The following NARS2 variants were observed in gnomAD, a reference collection of about 807,000 sequenced individuals.
NARS2 encodes the protein asparaginyl-tRNA synthetase 2, mitochondrial.
Under a neutral mutation model 62.9 loss-of-function variants are expected in NARS2, and 60 were observed. The ratio of observed to expected loss-of-function variants is 0.95; its 90% CI spans 0.77 to 1.18. The LOEUF is 1.18. Among genes scored for constraint, NARS2 ranks in the 50% most tolerant of loss-of-function variants. NARS2 has a pLI of 0.00. For synonymous variants in NARS2, 196 were observed against 200.0 expected, an observed-to-expected ratio of 0.98 and a Z score of 0.17; for missense variants, 619 against 576.4, an observed-to-expected ratio of 1.07 and a Z score of -0.76.
Position 78,571,347 on chromosome 11 carries a change from C to T in NARS2, c.239G>A (p.Gly80Asp). The T allele has an allele frequency of 6.2e-7, 1 of 1,611,496 alleles. No individual in the cohort carries two copies. The highest frequency in any genetic ancestry group is 1.3e-5 in the African/African-American group (1 of 74,822). Residue 80 changes from glycine to aspartate, a missense_variant, in exon 2 of 14, where the codon GGC (glycine) becomes GAC (aspartate). Gly to Asp is a moderately conservative substitution (Grantham distance 94). Transcript: ENST00000281038. ...AAACAAAACTCACCTACTGTCAAGG[C>T]CTGAATCTGCAACAACCTGAAGGCT... ...LESLQVVADS[G>D]LDSRELNFGS...
chr11:78,484,431 C>T (rs934443588), intron 7 of NARS2, among the ~76,000 whole-genome samples: 3 of 152,132 alleles, frequency 2.0e-5, no homozygotes, highest in Non-Finnish European at 4.4e-5. Flanking sequence ...GCAAAAGAAA[C>T]TACCACCAGA....
At chr11:78,538,583 T>C (rs1052862666) in intron 5 of NARS2, among the ~76,000 whole-genome samples, 2 of 151,750 alleles carry the variant, frequency 1.3e-5, no homozygotes, top group Admixed American at 1.3e-4. Flanking sequence ...CTGGGAAAAA[T>C]ACTCCAGGCA....
intron 5 of NARS2, among the ~76,000 whole-genome samples, chr11:78,555,949 T>A (rs1590859817): frequency 6.6e-6 from 1 of 152,096 alleles, no homozygotes; most frequent in African/African-American, 2.4e-5. Context: ...CCAAAGGTTA[T>A]TCAGGAGCAT....
At chr11:78,468,352 C>T (rs1344201463) in intron 10 of NARS2, among the ~76,000 whole-genome samples, 2 of 126,696 alleles carry the variant, frequency 1.6e-5, no homozygotes, top group East Asian at 2.3e-4. Context: ...AAGAAAAACA[C>T]ACCTGTTTAG....
chr11:78,506,797 C>A (rs997256096), intron 6 of NARS2, among the ~76,000 whole-genome samples: 2 of 152,190 alleles, frequency 1.3e-5, no homozygotes, highest in African/African-American at 2.4e-5. Flanking sequence ...CCTCAGCCTC[C>A]GACAGTGTTG....
chr11:78,459,312 C>T (rs1482023934), intron 11 of NARS2, among the ~76,000 whole-genome samples: 1 of 150,498 alleles, frequency 6.6e-6, no homozygotes, highest in Non-Finnish European at 1.5e-5. Flanking sequence ...CTCTTGTTGC[C>T]CAGGCTGGAG....
chr11:78,507,013 C>T (rs1367133508), intron 6 of NARS2, among the ~76,000 whole-genome samples: 1 of 152,118 alleles, frequency 6.6e-6, no homozygotes, highest in East Asian at 1.9e-4. Context: ...TCCTGGAACC[C>T]CGTGCACACA....
chr11:78,505,322 A>G (rs978294064), intron 6 of NARS2, among the ~76,000 whole-genome samples: 2 of 129,138 alleles, frequency 1.5e-5, no homozygotes, highest in African/African-American at 6.5e-5. Flanking sequence ...ACACACACAC[A>G]CATACGTATG....
intron 6 of NARS2, among the ~76,000 whole-genome samples, chr11:78,528,528 C>T (rs1013215808): frequency 1.3e-5 from 2 of 152,046 alleles, no homozygotes; most frequent in African/African-American, 2.4e-5. Flanking sequence ...GACTAATACC[C>T]GGTTCAGGTA....
At chr11:78,500,311 G>C (rs1408240588) in intron 6 of NARS2, among the ~76,000 whole-genome samples, 4 of 151,838 alleles carry the variant, frequency 2.6e-5, no homozygotes, top group Non-Finnish European at 5.9e-5. Flanking sequence ...CAAAGATGAG[G>C]GTGAGTATAT....
intron 11 of NARS2, among the ~76,000 whole-genome samples, chr11:78,445,657 T>C (rs1235104010): frequency 1.3e-5 from 2 of 152,152 alleles, no homozygotes; most frequent in Non-Finnish European, 2.9e-5. Flanking sequence ...TTTTTTTAAA[T>C]GTTTATTTGT....
At position 78,502,991 on chromosome 11, in the gene NARS2, C is replaced by CAAAAAAAAAAAAA. The variant is rs550751384; in HGVS notation, c.690-9809_690-9797dup. On this transcript the variant is annotated intron_variant, in intron 6 of 13. Transcript: ENST00000281038. ...CCTGGGTAACAGAGTGAGACTGTCT[C>CAAAAAAAAAAAAA]AAAAAAAAAAAAAAAAAAAGGTTGA... Among the ~76,000 whole-genome samples, 60 of 82,936 alleles carry CAAAAAAAAAAAAA rather than the reference C, an allele frequency of 7.2e-4. 2 individuals are homozygous for CAAAAAAAAAAAAA. The highest frequency in any genetic ancestry group is 3.4e-3 in the African/African-American group (54 of 15,796). The allele number at this position is 82,936 out of a possible 152,430, so 54.4% of individuals were successfully genotyped here. A position where few individuals can be genotyped will look rare whatever the true frequency, so the allele number is the denominator to read the frequency against.
At chr11:78,563,091 C>T (rs1450315013) in intron 4 of NARS2, among the ~76,000 whole-genome samples, 1 of 151,940 alleles carries the variant, frequency 6.6e-6, no homozygotes, top group African/African-American at 2.4e-5. Context: ...AGGTAGGTAA[C>T]AGAATTATAT....
At chr11:78,570,574 G>C (rs552186994) in intron 2 of NARS2, among the ~76,000 whole-genome samples, 1 of 152,282 alleles carries the variant, frequency 6.6e-6, no homozygotes, top group East Asian at 1.9e-4. Context: ...TTTTGGTAGA[G>C]ACGGGGTTTT....
At chr11:78,571,914 G>C (rs1214563813) in intron 1 of NARS2, among the ~76,000 whole-genome samples, 1 of 152,156 alleles carries the variant, frequency 6.6e-6, no homozygotes, top group African/African-American at 2.4e-5. Context: ...TAATTTCCAG[G>C]TTGGGCACAG....
At position 78,557,815 on chromosome 11, in the gene NARS2, A is replaced by T. The variant is rs572741846; in HGVS notation, c.594+1724T>A. Among the ~76,000 whole-genome samples the T allele has an allele frequency of 9.0e-4, 133 of 147,592 alleles. 1 individual carries two copies. The highest frequency in any genetic ancestry group is 3.2e-3 in the African/African-American group (130 of 40,308). On this transcript the variant is annotated intron_variant, in intron 5 of 13. Transcript: ENST00000281038. ...TATGTATATATATCATATATATCTT[A>T]TATTATATATATATATCTCTCTTAT...
chr11:78,475,701 A>T (rs954591463), intron 9 of NARS2, among the ~76,000 whole-genome samples: 1 of 149,054 alleles, frequency 6.7e-6, no homozygotes, highest in Admixed American at 6.8e-5. Flanking sequence ...GGCTTAGGCA[A>T]TCCTCCCACC....
Position 78,474,990 on chromosome 11 carries a change from C to T in NARS2, c.959+3448G>A, listed in dbSNP as rs370857904. Among the ~76,000 whole-genome samples the T allele has an allele frequency of 5.3e-5, 8 of 152,114 alleles. No homozygotes were observed. The South Asian group carries it at 1.2e-3, about 24-fold the overall frequency. On this transcript the variant is annotated intron_variant, in intron 9 of 13. Coordinates refer to ENST00000281038, the MANE Select transcript of NARS2 (RefSeq NM_024678.6). Reference sequence around the variant, plus strand: ...TATACATTACAATTAATTATGGTCACTTTGTTATGCAATAAATCCTGAACA... The same window carrying T: ...TATACATTACAATTAATTATGGTCATTTTGTTATGCAATAAATCCTGAACA...
Position 78,567,743 on chromosome 11 carries a change from T to C in NARS2, c.372+889A>G, listed in dbSNP as rs116441163. 4.6e-3 allele frequency among the ~76,000 whole-genome samples: 706 copies of C among 152,354 alleles called. 2 individuals are homozygous for C. The highest frequency in any genetic ancestry group is 0.016 in the African/African-American group (684 of 41,582). ...TTTTATTTCCTTACATTTCTTCCTATTATACTGAAAGAATACACAATGAAT... is the reference window on the plus strand; with the variant it reads ...TTTTATTTCCTTACATTTCTTCCTACTATACTGAAAGAATACACAATGAAT... On this transcript the variant is annotated intron_variant, in intron 3 of 13. Coordinates refer to ENST00000281038, the MANE Select transcript of NARS2 (RefSeq NM_024678.6).
Sources: gnomAD v4.1 joint callset for allele counts (sites outside exome capture counted in the v4.1 genomes callset) on GRCh38, gnomAD v4.1.1 for gene constraint, MANE v1.5 for transcripts, NCBI Gene and HGNC (gene_info 2026-07-23, HGNC 2026-07-21) for gene names.